SLF1: variants seen among roughly 807,000 people sequenced by gnomAD.
SLF1 encodes SMC5/6 complex localization factor 1.
Under a neutral mutation model 123.0 loss-of-function variants are expected in SLF1, and 105 were observed. That is an observed-to-expected ratio of 0.85 (90% CI 0.73 to 1.00). The LOEUF (loss-of-function observed/expected upper bound fraction) is 1.00, where lower values mean the gene tolerates loss of function less well. SLF1 is among the 50% of genes least tolerant of loss of function. The pLI, the probability that SLF1 is intolerant of heterozygous loss-of-function variation, is 0.00. For missense variants in SLF1, 1,239 were observed against 1,223.0 expected (o/e 1.01, Z -0.20); for synonymous variants, 434 against 406.6 (o/e 1.07, Z -0.81).
chr5:94,673,511 AC>A (rs1750707890), intron 14 of SLF1, among the ~76,000 whole-genome samples: 1 of 151,906 alleles, frequency 6.6e-6, no homozygotes, highest in East Asian at 1.9e-4. Context: ...CCCCATCTCT[AC>A]CAAAAAAACA....
At chr5:94,687,531 T>TA (rs34197660) in intron 16 of SLF1, among the ~76,000 whole-genome samples, 4 of 151,718 alleles carry the variant, frequency 2.6e-5, no homozygotes, top group African/African-American at 7.3e-5. Flanking sequence ...ACTCTGTCTC[T>TA]AAAAAAAAGT....
rs968554023 is a variant in SLF1 at position 94,663,885 on chromosome 5, G to A, written c.1345G>A (p.Ala449Thr). The stretch of plus-strand genomic sequence containing the variant: ...TATCCCTCCTGTATGCGTTCTTCAT[G>A]CCCTTCTAGAGAACGTTCTACAGGT... Reference protein sequence around the residue: ...HYIPPVCVLHALLENVLQDNI... With the variant: ...HYIPPVCVLHTLLENVLQDNI... The change falls in exon 11 of 21, where the codon GCC becomes ACC. Residue 449 changes from alanine (A) to threonine (T), a missense_variant. Coordinates refer to ENST00000265140, the MANE Select transcript of SLF1 (RefSeq NM_032290.4). 7 of 1,540,712 alleles carry A rather than the reference G, an allele frequency of 4.5e-6. No individual in the cohort carries two copies. The highest frequency in any genetic ancestry group is 6.1e-6 in the Non-Finnish European group (7 of 1,143,748).
intron 18 of SLF1, chr5:94,691,220 C>G (rs1753021371): frequency 4.7e-6 from 1 of 214,500 alleles, no homozygotes; most frequent in Non-Finnish European, 9.2e-6. Context: ...TGCTGCAAAA[C>G]CCAGTATTTT....
intron 4 of SLF1, among the ~76,000 whole-genome samples, chr5:94,634,968 T>C (rs530104685): frequency 2.6e-5 from 4 of 152,336 alleles, no homozygotes; most frequent in African/African-American, 9.6e-5. Flanking sequence ...CTTGAAAATA[T>C]TATCTCCTAT....
intron 15 of SLF1, among the ~76,000 whole-genome samples, chr5:94,679,359 C>T (rs1006626): frequency 0.22 from 33,829 of 151,828 alleles, 3,897 homozygotes; most frequent in East Asian, 0.35. Context: ...TTTGGGAAGC[C>T]GAGGTGGGAG....
intron 7 of SLF1, 30 bp from the exon 8 acceptor site, chr5:94,653,242 G>C: frequency 6.8e-7 from 1 of 1,473,922 alleles, no homozygotes; most frequent in Non-Finnish European, 9.1e-7. Context: ...CATTGATGTT[G>C]AGATTTAATT....
At chr5:94,657,670 TCTGTCTCC>T (rs1208190017) in intron 9 of SLF1, among the ~76,000 whole-genome samples, 3 of 152,170 alleles carry the variant, frequency 2.0e-5, no homozygotes, top group African/African-American at 7.2e-5. Context: ...TGTTGAAGTC[TCTGTCTCC>T]CTCTAGATCT....
rs373202191 is a variant in SLF1 at position 94,694,886 on chromosome 5, G to C, written c.2751G>C (p.Val917=). The C allele has an allele frequency of 4.4e-6, 7 of 1,609,188 alleles. No homozygotes were observed. The highest frequency in any genetic ancestry group is 5.1e-6 in the Non-Finnish European group (6 of 1,178,038). Residue 917 remains valine (V), a synonymous_variant, in exon 21 of 21, where the codon GTG becomes GTC. Coordinates refer to ENST00000265140, the MANE Select transcript of SLF1 (RefSeq NM_032290.4). The part of the protein sequence containing the change: ...NAKGELPLDY[V]VSPQIKEELF... ...AGGGAGAATTGCCCTTGGATTATGT[G>C]GTTTCACCTCAAATCAAAGAAGAAC...
At chr5:94,643,831 T>C (rs1746711902) in intron 5 of SLF1, among the ~76,000 whole-genome samples, 1 of 152,146 alleles carries the variant, frequency 6.6e-6, no homozygotes, top group Non-Finnish European at 1.5e-5. Context: ...ATGATGCTCC[T>C]CAAGTTGTTT....
Position 94,691,544 on chromosome 5 carries a change from C to G in SLF1, c.2420-20C>G, listed in dbSNP as rs1356339112. ...GATATCTTGTCTTCTCTGGAATAAT[C>G]TATTAATTTTTTATGGCAGGAGAAA... On this transcript the variant is annotated intron_variant, in intron 18 of 20. Transcript: ENST00000265140. The G allele has an allele frequency of 6.3e-7, 1 of 1,587,350 alleles. No homozygotes were observed. The highest frequency in any genetic ancestry group is 8.6e-7 in the Non-Finnish European group (1 of 1,160,822).
At chr5:94,679,689 A>G (rs1751540834) in intron 15 of SLF1, among the ~76,000 whole-genome samples, 1 of 152,160 alleles carries the variant, frequency 6.6e-6, no homozygotes, top group African/African-American at 2.4e-5. Flanking sequence ...AGCAAACAGA[A>G]GTAATTTATA....
intron 13 of SLF1, 70 bp downstream of exon 13, chr5:94,670,349 A>T: frequency 9.2e-7 from 1 of 1,090,442 alleles, no homozygotes; most frequent in Non-Finnish European, 1.2e-6. Flanking sequence ...TTTTTTTTAC[A>T]ATTATTATAA....
Position 94,691,556 on chromosome 5 carries a change from T to C in SLF1, c.2420-8T>C, listed in dbSNP as rs748835246. The C allele has an allele frequency of 1.2e-6, 2 of 1,600,786 alleles. No individual in the cohort carries two copies. Among genetic ancestry groups the C allele is most frequent in the African/African-American group, 2.7e-5 (2 of 74,226 alleles). On this transcript the variant is annotated splice_region_variant and splice_polypyrimidine_tract_variant and intron_variant, in intron 18 of 20. Transcript: ENST00000265140. ...TCTCTGGAATAATCTATTAATTTTT[T>C]ATGGCAGGAGAAACAGCCCTGCATA...
chr5:94,628,362 T>G (rs528277065), intron 1 of SLF1, among the ~76,000 whole-genome samples: 2 of 151,084 alleles, frequency 1.3e-5, no homozygotes, highest in Non-Finnish European at 2.9e-5. Context: ...TGGTCTAGAT[T>G]TCCTGACCTC....
chr5:94,680,025 A>G (rs1751582310), intron 15 of SLF1, among the ~76,000 whole-genome samples: 1 of 152,172 alleles, frequency 6.6e-6, no homozygotes, highest in African/African-American at 2.4e-5. Flanking sequence ...CTTACCTATA[A>G]AAGATTATTT....
chr5:94,661,297 C>G (rs1179198912), intron 9 of SLF1, among the ~76,000 whole-genome samples: 1 of 149,854 alleles, frequency 6.7e-6, no homozygotes, highest in African/African-American at 2.5e-5. Flanking sequence ...TTTTCCCATT[C>G]GTAGTGGGTA....
chr5:94,667,345 T>A (rs1240715546), intron 12 of SLF1, among the ~76,000 whole-genome samples: 1 of 152,178 alleles, frequency 6.6e-6, no homozygotes, highest in Non-Finnish European at 1.5e-5. Flanking sequence ...GTGGCTGACA[T>A]CCTTCATAAT....
chr5:94,656,429 A>C (rs903607054), intron 9 of SLF1, among the ~76,000 whole-genome samples: 4 of 151,914 alleles, frequency 2.6e-5, no homozygotes, highest in Non-Finnish European at 4.4e-5. Context: ...TGCTTTTCTC[A>C]GGGATATTGC....
At chr5:94,619,286 A>ATT (rs34456968) in intron 1 of SLF1, among the ~76,000 whole-genome samples, 11 of 148,748 alleles carry the variant, frequency 7.4e-5, no homozygotes, top group South Asian at 6.4e-4. Flanking sequence ...CTCTAGTAGA[A>ATT]TTTTTTTTTT....
Sources: gnomAD v4.1 joint callset for allele counts (sites outside exome capture counted in the v4.1 genomes callset) on GRCh38, gnomAD v4.1.1 for gene constraint, MANE v1.5 for transcripts, NCBI Gene and HGNC (gene_info 2026-07-23, HGNC 2026-07-21) for gene names.